AMBRA1: variants seen among roughly 807,000 people sequenced by gnomAD.
The protein encoded by AMBRA1 is activating molecule in BECN1-regulated autophagy protein 1.
A neutral mutation model predicts 125.4 loss-of-function variants in AMBRA1; 47 were observed. The observed-to-expected ratio is 0.37, with a 90% CI of 0.30 to 0.48. The LOEUF is 0.48. Ranked by LOEUF, AMBRA1 falls within the 20% of genes least tolerant of loss-of-function variation. AMBRA1 has a pLI of 0.99. For synonymous variants in AMBRA1, 626 were observed against 655.5 expected (o/e 0.95, Z 0.69); for missense variants, 1,331 against 1,693.4 (o/e 0.79, Z 3.76).
At chr11:46,494,876 C>T (rs1159279061) in intron 9 of AMBRA1, 1 of 152,184 alleles carries the variant, frequency 6.6e-6, no homozygotes, top group Non-Finnish European at 1.5e-5. Flanking sequence ...ATAGTAGTAA[C>T]TGCCATTTAT....
At chr11:46,420,321 G>A (rs1946791992) in intron 14 of AMBRA1, among the ~76,000 whole-genome samples, 1 of 152,166 alleles carries the variant, frequency 6.6e-6, no homozygotes, top group Admixed American at 6.5e-5. Context: ...TAGTTATCTG[G>A]AGTCTGGCTG....
chr11:46,405,510 G>A (rs114177937), intron 17 of AMBRA1, among the ~76,000 whole-genome samples: 93 of 152,122 alleles, frequency 6.1e-4, no homozygotes, highest in African/African-American at 2.1e-3. Flanking sequence ...CTTGAAGCTA[G>A]GAGTTCAAGA....
intron 9 of AMBRA1, among the ~76,000 whole-genome samples, chr11:46,500,663 AG>A (rs1021031829): frequency 5.3e-5 from 8 of 152,178 alleles, no homozygotes; most frequent in Admixed American, 1.3e-4. Context: ...AGATCTATTC[AG>A]GGTCCCTGAA....
intron 7 of AMBRA1, among the ~76,000 whole-genome samples, chr11:46,522,244 A>T (rs111581892): frequency 6.6e-6 from 1 of 152,216 alleles, no homozygotes; most frequent in Admixed American, 6.5e-5. Flanking sequence ...TTTTTAATAC[A>T]TTTGTAAGAT....
chr11:46,444,875 C>T (rs1045410641), intron 11 of AMBRA1, among the ~76,000 whole-genome samples: 1 of 152,012 alleles, frequency 6.6e-6, no homozygotes, highest in African/African-American at 2.4e-5. Context: ...TGCTGCTGGC[C>T]ACTGTGTCAG....
At chr11:46,400,459 T>A (rs1045568784) in intron 17 of AMBRA1, among the ~76,000 whole-genome samples, 1 of 147,904 alleles carries the variant, frequency 6.8e-6, no homozygotes, top group Non-Finnish European at 1.5e-5. Flanking sequence ...CTCATGCTTC[T>A]AGTTCTTTCT....
chr11:46,585,433 C>T (rs1374269908), intron 1 of AMBRA1, among the ~76,000 whole-genome samples: 17 of 149,524 alleles, frequency 1.1e-4, no homozygotes, highest in African/African-American at 3.0e-4. Flanking sequence ...TTTGGGAGGC[C>T]GAGGCAGGTG....
At position 46,433,626 on chromosome 11, in the gene AMBRA1, G is replaced by A; in HGVS notation, c.2824C>T (p.Pro942Ser). Residue 942 changes from proline to serine, a missense_variant and splice_region_variant, in exon 14 of 18, where the codon CCC (proline) becomes TCC (serine). Transcript: ENST00000683756. ...GEMLYTKRFG[P>S]NAISVSLSPM... ...GACAGGCTCACCGAAATGGCATTGG[G>A]ACCTGAGGGCCAACAAAACAGAGAA... The A allele has an allele frequency of 1.2e-6, 2 of 1,613,034 alleles. No homozygotes were observed. Among genetic ancestry groups the A allele is most frequent in the Non-Finnish European group, 1.7e-6 (2 of 1,179,246 alleles).
intron 11 of AMBRA1, among the ~76,000 whole-genome samples, chr11:46,490,399 T>A (rs997779295): frequency 1.3e-4 from 20 of 152,240 alleles, no homozygotes; most frequent in African/African-American, 3.6e-4. Flanking sequence ...CACTTTTCTC[T>A]TTATTTTTTA....
chr11:46,562,744 G>A (rs575039840), intron 1 of AMBRA1, among the ~76,000 whole-genome samples: 6 of 151,420 alleles, frequency 4.0e-5, no homozygotes, highest in Middle Eastern at 3.5e-3. Flanking sequence ...ATGAATTCAA[G>A]AGAAACTTAA....
At chr11:46,441,506 T>A (rs1948006403) in intron 12 of AMBRA1, among the ~76,000 whole-genome samples, 2 of 151,310 alleles carry the variant, frequency 1.3e-5, no homozygotes, top group African/African-American at 4.9e-5. Flanking sequence ...AGAGCAAGAC[T>A]CTGTTTCAGA....
chr11:46,526,734 C>CA (rs397848852), intron 7 of AMBRA1, among the ~76,000 whole-genome samples: 20,971 of 149,780 alleles, frequency 0.14, 1,531 homozygotes, highest in Non-Finnish European at 0.17. Flanking sequence ...CCCACACACA[C>CA]AAAAAAAAAC....
At position 46,489,687 on chromosome 11, in the gene AMBRA1, G is replaced by T. The variant is rs531966261; in HGVS notation, c.2521+3921C>A. On this transcript the variant is annotated intron_variant, in intron 11 of 17. Coordinates refer to ENST00000683756, the MANE Select transcript of AMBRA1 (RefSeq NM_001387011.1). ...AAAGTCAAAAAGATTATGCAGGACA[G>T]ACAGCTAATACCCCACATTACCCAG... 6.6e-5 allele frequency among the ~76,000 whole-genome samples: 10 copies of T among 152,338 alleles called. No homozygotes were observed. In the East Asian group the frequency reaches 1.9e-3, roughly 29 times the overall value.
At chr11:46,526,531 A>T (rs1044523967) in intron 7 of AMBRA1, among the ~76,000 whole-genome samples, 2 of 149,820 alleles carry the variant, frequency 1.3e-5, no homozygotes, top group African/African-American at 2.4e-5. Context: ...AAGAAATATA[A>T]AAAAAAAATT....
chr11:46,559,056 T>C (rs1214103046), intron 1 of AMBRA1, among the ~76,000 whole-genome samples: 1 of 152,028 alleles, frequency 6.6e-6, no homozygotes, highest in East Asian at 1.9e-4. Context: ...ATCCAGCACT[T>C]TGGGAGGCTG....
At position 46,433,645 on chromosome 11, in the gene AMBRA1, C is replaced by CA. The variant is rs775371735; in HGVS notation, c.2822-18dup. The CA allele has an allele frequency of 2.7e-5, 43 of 1,608,138 alleles. No individual in the cohort carries two copies. The African/African-American group carries it at 5.5e-4, about 20-fold the overall frequency. ...CATTGGGACCTGAGGGCCAACAAAA[C>CA]AGAGAAATATTTCCTAGGCTTCTGG... On this transcript the variant is annotated splice_polypyrimidine_tract_variant and intron_variant, in intron 13 of 17. Transcript: ENST00000683756.
At chr11:46,524,505 T>C (rs1951885521) in intron 7 of AMBRA1, among the ~76,000 whole-genome samples, 1 of 152,230 alleles carries the variant, frequency 6.6e-6, no homozygotes, top group Non-Finnish European at 1.5e-5. Flanking sequence ...TGAGGCAATT[T>C]AGTGTTTGAG....
chr11:46,422,884 A>T (rs930316359), intron 14 of AMBRA1, among the ~76,000 whole-genome samples: 1 of 152,196 alleles, frequency 6.6e-6, no homozygotes, highest in Non-Finnish European at 1.5e-5. Context: ...AGACAATGGA[A>T]GCTGGCTGGA....
At chr11:46,403,603 G>C (rs896475767) in intron 17 of AMBRA1, among the ~76,000 whole-genome samples, 1 of 152,138 alleles carries the variant, frequency 6.6e-6, no homozygotes. Flanking sequence ...CTCCCTTTTC[G>C]AGCTATGCTC....
Sources: allele counts gnomAD v4.1 joint callset (sites outside exome capture counted in the v4.1 genomes callset), GRCh38; gene constraint gnomAD v4.1.1; transcripts MANE v1.5; gene names NCBI Gene and HGNC (gene_info 2026-07-23, HGNC 2026-07-21).